RAP1A: variants seen among roughly 807,000 people sequenced by gnomAD.
The protein encoded by RAP1A is RAP1A, member of RAS oncogene family.
RAP1A carries 6 observed loss-of-function variants against 26.4 expected under a neutral mutation model. The ratio of observed to expected loss-of-function variants is 0.23; its 90% CI spans 0.12 to 0.45. The LOEUF is 0.45. RAP1A is among the 20% of genes least tolerant of loss of function. The pLI, the probability that RAP1A is intolerant of heterozygous loss-of-function variation, is 0.99. For synonymous variants in RAP1A, 73 were observed against 79.4 expected (o/e 0.92, Z 0.43); for missense variants, 121 against 217.2 (o/e 0.56, Z 2.78).
intron 1 of RAP1A, among the ~76,000 whole-genome samples, chr1:111,613,361 G>A (rs191395061): frequency 3.9e-5 from 6 of 152,006 alleles, no homozygotes; most frequent in African/African-American, 4.8e-5. Context: ...CACCATGCCC[G>A]GCTAATGTTT....
At chr1:111,697,164 T>C (rs981642712) in intron 3 of RAP1A, among the ~76,000 whole-genome samples, 6 of 152,206 alleles carry the variant, frequency 3.9e-5, no homozygotes, top group African/African-American at 7.2e-5. Context: ...TTTCAAAATA[T>C]GACTTTTGCC....
At chr1:111,671,919 T>C (rs968206380) in intron 1 of RAP1A, among the ~76,000 whole-genome samples, 2 of 152,262 alleles carry the variant, frequency 1.3e-5, no homozygotes, top group Non-Finnish European at 2.9e-5. Context: ...GTTATATTTT[T>C]ATGTTGATTT....
intron 1 of RAP1A, among the ~76,000 whole-genome samples, chr1:111,572,862 C>G (rs922864104): frequency 6.6e-6 from 1 of 152,076 alleles, no homozygotes; most frequent in African/African-American, 2.4e-5. Flanking sequence ...AAGCCTAGTA[C>G]CCAACAATTA....
At chr1:111,556,288 G>T (rs995905381) in intron 1 of RAP1A, among the ~76,000 whole-genome samples, 2 of 152,136 alleles carry the variant, frequency 1.3e-5, no homozygotes, top group Non-Finnish European at 1.5e-5. Context: ...TATTGGTGAG[G>T]CTATAGAGAA....
At chr1:111,626,276 A>G (rs1395235747) in intron 1 of RAP1A, among the ~76,000 whole-genome samples, 2 of 152,110 alleles carry the variant, frequency 1.3e-5, no homozygotes, top group Non-Finnish European at 2.9e-5. Flanking sequence ...CAGTTGTTTA[A>G]AATAGAGTTA....
upstream of RAP1A, among the ~76,000 whole-genome samples, chr1:111,618,593 T>C (rs1659064310): frequency 6.6e-6 from 1 of 152,210 alleles, no homozygotes; most frequent in Non-Finnish European, 1.5e-5. Flanking sequence ...CATATATCGA[T>C]TGTTTATTCA....
At chr1:111,550,807 A>G (rs531492460) in intron 1 of RAP1A, among the ~76,000 whole-genome samples, 62 of 152,140 alleles carry the variant, frequency 4.1e-4, no homozygotes, top group Non-Finnish European at 7.6e-4. Flanking sequence ...ATTTCATCTT[A>G]ATGTGGTCAG....
At chr1:111,624,292 C>T (rs1390676429) in intron 1 of RAP1A, among the ~76,000 whole-genome samples, 1 of 152,094 alleles carries the variant, frequency 6.6e-6, no homozygotes, top group Non-Finnish European at 1.5e-5. Context: ...GTTACTGAGA[C>T]AGATGAAGTG....
chr1:111,561,123 G>GGTGT (rs1553208395), intron 1 of RAP1A, among the ~76,000 whole-genome samples: 4 of 151,988 alleles, frequency 2.6e-5, no homozygotes, highest in African/African-American at 9.7e-5. Flanking sequence ...TTTGTTTGTT[G>GGTGT]GTTTGTTTGT....
chr1:111,601,947 T>C (rs1658680440), intron 1 of RAP1A, among the ~76,000 whole-genome samples: 1 of 152,142 alleles, frequency 6.6e-6, no homozygotes, highest in South Asian at 2.1e-4. Flanking sequence ...ATGTGTAAAT[T>C]TACTGACAAG....
Position 111,697,287 on chromosome 1 carries a change from A to G in RAP1A, c.127-154A>G, listed in dbSNP as rs530972019. On this transcript the variant is annotated intron_variant, in intron 3 of 7. Coordinates refer to ENST00000369709, the MANE Select transcript of RAP1A (RefSeq NM_002884.4). ...ACTGTACTTGAGACCGCTGTTCTTT[A>G]TTGTGGTACCAAGTTTACCCCCAGC... is the stretch of plus-strand genomic sequence containing the variant. Among the ~76,000 whole-genome samples, 4 of 152,240 alleles carry G rather than the reference A, an allele frequency of 2.6e-5. No individual in the cohort carries two copies. In the South Asian group the frequency reaches 8.3e-4, roughly 32 times the overall value.
intron 1 of RAP1A, among the ~76,000 whole-genome samples, chr1:111,638,115 G>C (rs995506942): frequency 6.6e-6 from 1 of 151,576 alleles, no homozygotes; most frequent in African/African-American, 2.4e-5. Flanking sequence ...AGCTGTTTCT[G>C]TCTCTTAAAA....
rs112765371 is a variant in RAP1A at position 111,663,100 on chromosome 1, G to T, written c.-27-28234G>T. 7.7e-3 allele frequency among the ~76,000 whole-genome samples: 1,175 copies of T among 152,266 alleles called. 10 individuals are homozygous for T. Among genetic ancestry groups the T allele is most frequent in the Middle Eastern group, 0.017 (5 of 294 alleles). On this transcript the variant is annotated intron_variant, in intron 1 of 7. Coordinates refer to ENST00000369709, the MANE Select transcript of RAP1A (RefSeq NM_002884.4). ...AGTTAATTTTTGTATTTTTAGTAGA[G>T]ACAGGGTTTCACCATGTTGGCCAGG...
intron 1 of RAP1A, among the ~76,000 whole-genome samples, chr1:111,543,692 GGAGAGGGAGGGAGAA>G (rs1656932118): frequency 6.6e-6 from 1 of 151,862 alleles, no homozygotes; most frequent in African/African-American, 2.4e-5. Flanking sequence ...AGGAGGAGGG[GGAGAGGGAGGGAGAA>G]GAGAGGGAGG....
intron 1 of RAP1A, among the ~76,000 whole-genome samples, chr1:111,644,594 G>GA (rs769337996): frequency 3.8e-4 from 58 of 152,166 alleles, no homozygotes; most frequent in Non-Finnish European, 1.3e-4. Flanking sequence ...GTGTCACAAG[G>GA]CTGTTACCAA....
At chr1:111,706,331 A>AT (rs999933010) in intron 6 of RAP1A, among the ~76,000 whole-genome samples, 2 of 151,892 alleles carry the variant, frequency 1.3e-5, no homozygotes, top group East Asian at 1.9e-4. Context: ...TGCCTTGTAA[A>AT]TTTTTTTGTG....
chr1:111,585,753 A>G (rs1352412481), intron 1 of RAP1A, among the ~76,000 whole-genome samples: 1 of 152,186 alleles, frequency 6.6e-6, no homozygotes, highest in African/African-American at 2.4e-5. Context: ...ATGTTTAGAG[A>G]GTTCTAGGAT....
intron 1 of RAP1A, among the ~76,000 whole-genome samples, chr1:111,572,019 C>A (rs1658057159): frequency 4.2e-5 from 1 of 23,760 alleles, no homozygotes; most frequent in South Asian, 1.1e-3. Flanking sequence ...GTGCCCTTGG[C>A]ACCTCCTGCA....
intron 4 of RAP1A, among the ~76,000 whole-genome samples, chr1:111,698,999 G>C (rs994530337): frequency 1.3e-5 from 2 of 151,142 alleles, no homozygotes; most frequent in Non-Finnish European, 2.9e-5. Flanking sequence ...TCTCTGTCCA[G>C]ATTGTAAGAA....
Sources: gnomAD v4.1 joint callset for allele counts (sites outside exome capture counted in the v4.1 genomes callset) on GRCh38, gnomAD v4.1.1 for gene constraint, MANE v1.5 for transcripts, NCBI Gene and HGNC (gene_info 2026-07-23, HGNC 2026-07-21) for gene names.